Variants in CT55 observed in about 807,000 individuals in gnomAD.
CT55 encodes the protein BRCA2-interacting protein.
CT55 carries 1 observed loss-of-function variant against 12.6 expected under a neutral mutation model. That is an observed-to-expected ratio of 0.08 (90% CI 0.03 to 0.38). The LOEUF is 0.38. Among genes scored for constraint, CT55 ranks in the 10% least tolerant of loss-of-function variants. The pLI is 0.99. For missense variants in CT55, 109 were observed against 135.4 expected (o/e 0.80, Z 0.97); for synonymous variants, 43 against 49.7 (o/e 0.87, Z 0.57).
chrX:135,167,345 G>T (rs1300462070), intron 2 of CT55, among the ~76,000 whole-genome samples: 1 of 112,158 alleles, frequency 8.9e-6, no homozygotes, highest in Non-Finnish European at 1.9e-5. Context: ...ACACAATGTT[G>T]AGAAAGTACA....
intron 3 of CT55, among the ~76,000 whole-genome samples, chrX:135,159,368 A>G (rs1277143747): frequency 1.8e-5 from 2 of 111,442 alleles, no homozygotes; most frequent in Non-Finnish European, 3.8e-5. Flanking sequence ...ACACCAATCT[A>G]ACGTGTGTAA....
At chrX:135,161,390 C>T (rs1411042350) in intron 2 of CT55, among the ~76,000 whole-genome samples, 4 of 112,160 alleles carry the variant, frequency 3.6e-5, no homozygotes, top group African/African-American at 1.3e-4. Flanking sequence ...CCAGGGACTA[C>T]ATTTTTGGCA....
At chrX:135,171,410 C>A, upstream of CT55, 2 of 501,007 alleles carry the variant, frequency 4.0e-6, no homozygotes, top group Admixed American at 9.4e-5. Flanking sequence ...AGCATGCGCT[C>A]GTCAGGGCCC....
intron 2 of CT55, among the ~76,000 whole-genome samples, chrX:135,165,870 G>A (rs1383009554): frequency 9.2e-6 from 1 of 109,083 alleles, no homozygotes; most frequent in Non-Finnish European, 1.9e-5. Context: ...ATGTAATGGT[G>A]AAGAAATGGA....
chrX:135,158,558 C>T (rs2063395308), intron 3 of CT55, among the ~76,000 whole-genome samples: 2 of 112,268 alleles, frequency 1.8e-5, no homozygotes, highest in Admixed American at 9.4e-5. Flanking sequence ...TGCATCACAG[C>T]CAATATGAGG....
At chrX:135,158,605 CA>C (rs2083547910) in intron 3 of CT55, among the ~76,000 whole-genome samples, 1 of 112,233 alleles carries the variant, frequency 8.9e-6, no homozygotes, top group African/African-American at 3.2e-5. Context: ...TGTTAGTGTT[CA>C]CAATTGCTTA....
At chrX:135,164,879 T>A (rs2083576697) in intron 2 of CT55, among the ~76,000 whole-genome samples, 1 of 112,135 alleles carries the variant, frequency 8.9e-6, no homozygotes, top group Non-Finnish European at 1.9e-5. Flanking sequence ...ATCAAGAGGA[T>A]ATAATGATTT....
chrX:135,163,443 G>GA (rs1410324260), intron 2 of CT55, among the ~76,000 whole-genome samples: 1 of 111,603 alleles, frequency 9.0e-6, no homozygotes, highest in East Asian at 2.8e-4. Context: ...AACATCCAAA[G>GA]AAGAATTGAT....
intron 1 of CT55, 28 bp from the exon 2 acceptor site, chrX:135,169,806 T>C: frequency 8.9e-7 from 1 of 1,122,914 alleles, no homozygotes; most frequent in South Asian, 2.1e-5. Context: ...AAGGTCACAT[T>C]ATTAGCCTCA....
intron 2 of CT55, among the ~76,000 whole-genome samples, chrX:135,163,284 T>C (rs1249039697): frequency 8.9e-6 from 1 of 112,486 alleles, no homozygotes; most frequent in Non-Finnish European, 1.9e-5. Context: ...AAAATATCTA[T>C]TTTCCACATG....
chrX:135,171,011 G>A (rs1330498985), intron 1 of CT55, 67 bp downstream of exon 1: 9 of 1,179,720 alleles, frequency 7.6e-6, no homozygotes, highest in Admixed American at 2.3e-5. Flanking sequence ...GCCTCATTCC[G>A]GGGGTGAGGA....
intron 2 of CT55, among the ~76,000 whole-genome samples, chrX:135,161,848 T>G (rs1205158728): frequency 8.9e-6 from 1 of 112,620 alleles, no homozygotes; most frequent in Non-Finnish European, 1.9e-5. Flanking sequence ...CTTACTGTCA[T>G]GAAGGAATGA....
intron 2 of CT55, among the ~76,000 whole-genome samples, chrX:135,163,109 C>T (rs1203953367): frequency 2.7e-5 from 3 of 112,002 alleles, no homozygotes; most frequent in Non-Finnish European, 5.6e-5. Flanking sequence ...AGCTAGACTG[C>T]AAAGACCGAA....
intron 3 of CT55, among the ~76,000 whole-genome samples, chrX:135,159,241 CTG>C (rs2083551435): frequency 9.7e-6 from 1 of 102,760 alleles, no homozygotes; most frequent in Non-Finnish European, 2.0e-5. Context: ...CTCTCTCTCT[CTG>C]ATAATTTACA....
intron 3 of CT55, among the ~76,000 whole-genome samples, chrX:135,158,665 T>C (rs1367320843): frequency 8.9e-6 from 1 of 112,305 alleles, no homozygotes; most frequent in East Asian, 2.8e-4. Flanking sequence ...TGAACCTGGC[T>C]ATGTGGCTTC....
intron 2 of CT55, among the ~76,000 whole-genome samples, chrX:135,168,888 C>T (rs2083598463): frequency 1.8e-5 from 2 of 112,253 alleles, no homozygotes; most frequent in Admixed American, 9.4e-5. Context: ...CCTATTGTAT[C>T]AGTAGGTCTA....
At chrX:135,165,444 G>A (rs2083579142) in intron 2 of CT55, among the ~76,000 whole-genome samples, 1 of 111,431 alleles carries the variant, frequency 9.0e-6, no homozygotes, top group Non-Finnish European at 1.9e-5. Flanking sequence ...TTCTAAAAGT[G>A]AAGTTTACAT....
chrX:135,161,052 A>G (rs1556405101), intron 2 of CT55, among the ~76,000 whole-genome samples: 2 of 110,008 alleles, frequency 1.8e-5, no homozygotes, highest in Non-Finnish European at 3.8e-5. Flanking sequence ...AGGCAGAGAG[A>G]AAAAACAACA....
At chrX:135,163,689 G>A (rs1383136261) in intron 2 of CT55, among the ~76,000 whole-genome samples, 2 of 111,663 alleles carry the variant, frequency 1.8e-5, no homozygotes, top group Admixed American at 9.5e-5. Context: ...AGTTACAAAC[G>A]TCTAGGTACT....
Sources: gnomAD v4.1 joint callset for allele counts (sites outside exome capture counted in the v4.1 genomes callset) on GRCh38, gnomAD v4.1.1 for gene constraint, MANE v1.5 for transcripts, NCBI Gene and HGNC (gene_info 2026-07-23, HGNC 2026-07-21) for gene names.